PSD3: variants seen among roughly 807,000 people sequenced by gnomAD.
PSD3 encodes pleckstrin and Sec7 domain containing 3, also known as PH and SEC7 domain-containing protein 3.
Under a neutral mutation model 105.5 loss-of-function variants are expected in PSD3, and 49 were observed. The observed-to-expected ratio is 0.46, with a 90% CI of 0.37 to 0.59. The LOEUF is 0.59. PSD3 is among the 20% of genes least tolerant of loss of function. PSD3 has a pLI of 0.00. For synonymous variants in PSD3, 557 were observed against 457.8 expected (o/e 1.22, Z -2.77); for missense variants, 1,561 against 1,263.8 (o/e 1.24, Z -3.57).
chr8:18,879,051 A>ACACAC (rs1817919933), intron 2 of PSD3, among the ~76,000 whole-genome samples: 11 of 138,670 alleles, frequency 7.9e-5, no homozygotes, highest in Non-Finnish European at 8.0e-5. Flanking sequence ...CACACACACA[A>ACACAC]ACACACACAC....
chr8:18,616,392 T>C (rs1388536554), intron 11 of PSD3, among the ~76,000 whole-genome samples: 1 of 152,130 alleles, frequency 6.6e-6, no homozygotes, highest in East Asian at 1.9e-4. Context: ...GTGGGGGAGA[T>C]TTGCATCTGT....
chr8:18,920,872 A>G (rs776669093), intron 2 of PSD3, among the ~76,000 whole-genome samples: 8 of 152,158 alleles, frequency 5.3e-5, no homozygotes, highest in Non-Finnish European at 8.8e-5. Flanking sequence ...CTCCCCAAAC[A>G]ATATGAATAG....
At chr8:18,695,534 A>G (rs1273292830) in intron 9 of PSD3, among the ~76,000 whole-genome samples, 1 of 152,202 alleles carries the variant, frequency 6.6e-6, no homozygotes, top group African/African-American at 2.4e-5. Flanking sequence ...ATTATGTAAT[A>G]ACTGACACAT....
At chr8:18,660,258 G>A (rs554758261) in intron 9 of PSD3, among the ~76,000 whole-genome samples, 84 of 152,216 alleles carry the variant, frequency 5.5e-4, no homozygotes, top group African/African-American at 1.9e-3. Flanking sequence ...TAATACACAC[G>A]TAAGTCAAAG....
chr8:18,817,988 C>G (rs1374107405), intron 4 of PSD3, among the ~76,000 whole-genome samples: 3 of 152,200 alleles, frequency 2.0e-5, no homozygotes, highest in Non-Finnish European at 2.9e-5. Flanking sequence ...GAGTCTCACT[C>G]TGTCGCCCAG....
At chr8:18,942,155 C>T (rs913395222) in intron 1 of PSD3, among the ~76,000 whole-genome samples, 1 of 152,146 alleles carries the variant, frequency 6.6e-6, no homozygotes, top group African/African-American at 2.4e-5. Context: ...AGGTGGCATG[C>T]TCCTTCATTT....
At chr8:19,041,429 C>T (rs1188572493) in intron 1 of PSD3, among the ~76,000 whole-genome samples, 1 of 152,146 alleles carries the variant, frequency 6.6e-6, no homozygotes, top group Admixed American at 6.5e-5. Context: ...AAGGGATGCA[C>T]TTTGTGAAGA....
chr8:18,891,138 C>T (rs930003311), intron 2 of PSD3, among the ~76,000 whole-genome samples: 2 of 152,082 alleles, frequency 1.3e-5, no homozygotes, highest in Non-Finnish European at 2.9e-5. Flanking sequence ...AACCTCCCTA[C>T]CAGGTAGATA....
rs1276486172 is a variant in PSD3, at chr8:18,999,622, TCTA to T, written c.21+13938_21+13940del. On this transcript the variant is annotated intron_variant, in intron 1 of 15. Coordinates refer to ENST00000327040, the MANE Select transcript of PSD3 (RefSeq NM_015310.4). ...AGCCATTAAATGGCCACAAGAGAAT[TCTA>T]CTGACAAATTTTTTATTTTAAAATT... Among the ~76,000 whole-genome samples, 13 of 151,802 alleles carry T rather than the reference TCTA, an allele frequency of 8.6e-5. 1 individual carries two copies. Among genetic ancestry groups the T allele is most frequent in the African/African-American group, 3.1e-4 (13 of 41,284 alleles).
chr8:19,020,340 A>C (rs1827324282), intron 1 of PSD3, among the ~76,000 whole-genome samples: 1 of 152,116 alleles, frequency 6.6e-6, no homozygotes. Context: ...CTTCACTGAG[A>C]GGTGAAATTT....
At chr8:18,903,325 T>C (rs1050993612) in intron 2 of PSD3, among the ~76,000 whole-genome samples, 2 of 152,038 alleles carry the variant, frequency 1.3e-5, no homozygotes, top group African/African-American at 4.8e-5. Flanking sequence ...CTCTAGACCC[T>C]GGGTTGGCAG....
At chr8:19,009,135 C>A (rs1034602450) in intron 1 of PSD3, among the ~76,000 whole-genome samples, 1 of 152,192 alleles carries the variant, frequency 6.6e-6, no homozygotes, top group Non-Finnish European at 1.5e-5. Flanking sequence ...CTTTTAGACA[C>A]CCCAGGGGTT....
intron 1 of PSD3, among the ~76,000 whole-genome samples, chr8:19,070,945 G>A (rs888869149): frequency 6.6e-6 from 1 of 152,010 alleles, no homozygotes; most frequent in African/African-American, 2.4e-5. Context: ...CTGGCTTAGT[G>A]TTTTATTTTT....
intron 10 of PSD3, among the ~76,000 whole-genome samples, chr8:18,633,262 A>T (rs1807028064): frequency 6.6e-6 from 1 of 152,066 alleles, no homozygotes; most frequent in African/African-American, 2.4e-5. Flanking sequence ...AAACAGCAAA[A>T]GTGTTAGAGT....
chr8:18,892,302 C>G (rs1818845008), intron 2 of PSD3, among the ~76,000 whole-genome samples: 2 of 151,698 alleles, frequency 1.3e-5, no homozygotes, highest in African/African-American at 4.9e-5. Flanking sequence ...TGGCTCAATG[C>G]AAGCTCTGCC....
chr8:19,084,268 A>G (rs1195214427), exon 1 of PSD3: 1 of 456,184 alleles, frequency 2.2e-6, no homozygotes, highest in African/African-American at 2.0e-5. Context: ...GCTGGACAGT[A>G]CCTGTAGAGC....
intron 8 of PSD3, among the ~76,000 whole-genome samples, chr8:18,778,934 T>C (rs7830088): frequency 0.1 from 15,813 of 152,036 alleles, 1,665 homozygotes; most frequent in East Asian, 0.47. Context: ...TGTATCCTTA[T>C]CTGGTTCTGG....
chr8:18,930,754 G>C (rs1028129878), intron 2 of PSD3, among the ~76,000 whole-genome samples: 2 of 151,868 alleles, frequency 1.3e-5, no homozygotes, highest in Non-Finnish European at 2.9e-5. Flanking sequence ...ATTTTTAGTA[G>C]AGACGGGGTT....
intron 1 of PSD3, among the ~76,000 whole-genome samples, chr8:19,025,512 G>A (rs1448434046): frequency 6.6e-6 from 1 of 152,136 alleles, no homozygotes; most frequent in African/African-American, 2.4e-5. Flanking sequence ...ATTTCTTGAT[G>A]GTGAATTCCT....
Sources: allele counts gnomAD v4.1 joint callset (sites outside exome capture counted in the v4.1 genomes callset), GRCh38; gene constraint gnomAD v4.1.1; transcripts MANE v1.5; gene names NCBI Gene and HGNC (gene_info 2026-07-23, HGNC 2026-07-21).